LINGO2: variants seen among roughly 807,000 people sequenced by gnomAD.
LINGO2 encodes the protein leucine-rich repeat and immunoglobulin-like domain-containing nogo receptor-interacting protein 2.
A neutral mutation model predicts 30.6 loss-of-function variants in LINGO2; 14 were observed. The ratio of observed to expected loss-of-function variants is 0.46; its 90% confidence interval spans 0.30 to 0.72. The LOEUF (loss-of-function observed/expected upper bound fraction) is 0.72, where lower values mean the gene tolerates loss of function less well. Among genes scored for constraint, LINGO2 ranks in the 30% least tolerant of loss-of-function variants. LINGO2 has a pLI of 0.07. For missense variants in LINGO2, 729 were observed against 751.7 expected, an observed-to-expected ratio of 0.97 and a Z score of 0.35; for synonymous variants, 317 against 288.5, an observed-to-expected ratio of 1.10 and a Z score of -1.00.
At chr9:28,089,670 C>T (rs1187987306) in intron 4 of LINGO2, among the ~76,000 whole-genome samples, 2 of 151,984 alleles carry the variant, frequency 1.3e-5, no homozygotes, top group African/African-American at 4.8e-5. Flanking sequence ...GAAGCAAGAG[C>T]AAACACATTC....
At chr9:28,465,170 G>A (rs879354828) in intron 2 of LINGO2, among the ~76,000 whole-genome samples, 4 of 152,184 alleles carry the variant, frequency 2.6e-5, no homozygotes. Flanking sequence ...GTGTGACAGC[G>A]TCTTGCACCC....
chr9:29,151,488 A>G, the LINGO2 span, among the ~76,000 whole-genome samples: 3 of 152,304 alleles, frequency 2.0e-5, no homozygotes, highest in Middle Eastern at 3.4e-3. Context: ...ACAAGACCCA[A>G]TGGTCTGCTG....
At chr9:28,379,459 A>G (rs1244117079) in intron 2 of LINGO2, among the ~76,000 whole-genome samples, 4 of 152,100 alleles carry the variant, frequency 2.6e-5, no homozygotes, top group Non-Finnish European at 5.9e-5. Context: ...ACTCTGCTCC[A>G]ATTGGTTATC....
chr9:28,028,915 A>G (rs1000990197), intron 4 of LINGO2, among the ~76,000 whole-genome samples: 3 of 152,122 alleles, frequency 2.0e-5, no homozygotes, highest in Non-Finnish European at 4.4e-5. Context: ...TTCTGAGCCT[A>G]TGGAACCAAT....
At chr9:28,900,608 C>T in the LINGO2 span, among the ~76,000 whole-genome samples, 3 of 152,216 alleles carry the variant, frequency 2.0e-5, no homozygotes, top group African/African-American at 4.8e-5. Context: ...CTGATGACTC[C>T]AGCAGCAAGT....
At chr9:28,862,551 C>T in the LINGO2 span, among the ~76,000 whole-genome samples, 1 of 152,018 alleles carries the variant, frequency 6.6e-6, no homozygotes, top group Admixed American at 6.6e-5. Context: ...CCTTATAGAG[C>T]ATATGCATAA....
intron 3 of LINGO2, among the ~76,000 whole-genome samples, chr9:28,353,595 C>CG (rs1282287678): frequency 6.6e-6 from 1 of 151,520 alleles, no homozygotes; most frequent in Non-Finnish European, 1.5e-5. Context: ...GTCAGTGTGG[C>CG]GATTCCTCAG....
At chr9:28,524,921 A>C (rs1820958378) in intron 1 of LINGO2, among the ~76,000 whole-genome samples, 2 of 152,220 alleles carry the variant, frequency 1.3e-5, no homozygotes, top group Non-Finnish European at 2.9e-5. Context: ...ATCACAAATA[A>C]GCACATGAAA....
In LINGO2 at chr9:28,553,772, G is replaced by A. The variant is rs938586874; in HGVS notation, c.-364-77747C>T. Among the ~76,000 whole-genome samples the A allele has an allele frequency of 5.3e-5, 8 of 152,054 alleles. No homozygotes were observed. In the South Asian group the frequency reaches 8.3e-4, roughly 16 times the overall value. On this transcript the variant is annotated intron_variant, in intron 1 of 5. Coordinates refer to ENST00000379992, the Ensembl canonical transcript of LINGO2. The stretch of plus-strand genomic sequence containing the variant: ...AGAAAGGTCGGGTTACCCTCAAAGG[G>A]AAGCCCATCAGACTAACAGCGGATC...
chr9:29,019,800 CATTG>C, the LINGO2 span, among the ~76,000 whole-genome samples: 2 of 152,100 alleles, frequency 1.3e-5, no homozygotes, highest in African/African-American at 2.4e-5. Context: ...TATTTCTATG[CATTG>C]ATTATCAGAT....
chr9:28,512,391 A>G lies in LINGO2; in HGVS notation c.-364-36366T>C, dbSNP rs111477833. 7.8e-3 allele frequency among the ~76,000 whole-genome samples: 1,181 copies of G among 151,592 alleles called. 17 individuals are homozygous for G. The highest frequency in any genetic ancestry group is 0.027 in the African/African-American group (1,130 of 41,278). On this transcript the variant is annotated intron_variant, in intron 1 of 5. Coordinates refer to ENST00000379992, the Ensembl canonical transcript of LINGO2. ...GTGATTCAACAATGGGGTACTGCCA[A>G]AGGCTCCAAACAGCATCCCTATCTG...
chr9:28,107,981 AG>A (rs1826648163), intron 4 of LINGO2, among the ~76,000 whole-genome samples: 1 of 152,168 alleles, frequency 6.6e-6, no homozygotes. Flanking sequence ...TAGAATCCAC[AG>A]GAGTTGTTAT....
chr9:28,959,071 A>G, the LINGO2 span, among the ~76,000 whole-genome samples: 1 of 152,106 alleles, frequency 6.6e-6, no homozygotes, highest in Non-Finnish European at 1.5e-5. Flanking sequence ...TCCCCAGTGC[A>G]TGTGTAAGTG....
At chr9:28,435,734 G>C (rs1049951424) in intron 2 of LINGO2, among the ~76,000 whole-genome samples, 1 of 152,186 alleles carries the variant, frequency 6.6e-6, no homozygotes, top group African/African-American at 2.4e-5. Context: ...CTTGGAGAAT[G>C]AGTATCAGAC....
At chr9:28,852,461 GGTTCA>G in the LINGO2 span, among the ~76,000 whole-genome samples, 9,799 of 151,994 alleles carry the variant, frequency 0.064, 449 homozygotes, top group Non-Finnish European at 0.086. Context: ...GAAATTTTAT[GGTTCA>G]GTTAAGAGTG....
At chr9:28,368,901 T>C (rs1026708866) in intron 3 of LINGO2, among the ~76,000 whole-genome samples, 2 of 152,058 alleles carry the variant, frequency 1.3e-5, no homozygotes, top group Non-Finnish European at 2.9e-5. Context: ...CAGCCTAGAG[T>C]GCCTTCTTTC....
the LINGO2 span, among the ~76,000 whole-genome samples, chr9:28,938,775 T>C: frequency 6.6e-6 from 1 of 152,180 alleles, no homozygotes; most frequent in Non-Finnish European, 1.5e-5. Context: ...GATGAAATCA[T>C]CTAACAATGG....
intron 2 of LINGO2, among the ~76,000 whole-genome samples, chr9:28,464,886 C>A (rs1016091742): frequency 1.3e-4 from 20 of 152,186 alleles, no homozygotes; most frequent in African/African-American, 2.4e-5. Context: ...AGGATAGTTC[C>A]CCTGACCAGT....
chr9:28,502,156 A>ACACG (rs1819916746), intron 1 of LINGO2, among the ~76,000 whole-genome samples: 1 of 150,188 alleles, frequency 6.7e-6, no homozygotes, highest in African/African-American at 2.5e-5. Flanking sequence ...ACACACACAC[A>ACACG]CACACATACA....
Sources: gnomAD v4.1 joint callset for allele counts (sites outside exome capture counted in the v4.1 genomes callset) on GRCh38, gnomAD v4.1.1 for gene constraint, MANE v1.5 for transcripts, NCBI Gene and HGNC (gene_info 2026-07-23, HGNC 2026-07-21) for gene names.